The following RYR2 variants were observed in gnomAD, a reference collection of about 807,000 sequenced individuals.
RYR2 encodes ryanodine receptor 2, also known as cardiac muscle ryanodine receptor-calcium release channel.
In RYR2, 227 loss-of-function variants were observed where a neutral mutation model predicts 601.1. The ratio of observed to expected loss-of-function variants is 0.38; its 90% CI spans 0.34 to 0.42. The LOEUF (loss-of-function observed/expected upper bound fraction) is 0.42, where lower values mean the gene tolerates loss of function less well. RYR2 is among the 10% of genes least tolerant of loss of function. RYR2 has a pLI of 1.00. For synonymous variants in RYR2, 2,223 were observed against 2,175.1 expected, an observed-to-expected ratio of 1.02 and a Z score of -0.61; for missense variants, 4,646 against 6,156.5, an observed-to-expected ratio of 0.75 and a Z score of 8.21.
In RYR2 at chr1:237,828,482, T is replaced by C. The variant is rs758257396; in HGVS notation, c.14655+37T>C. 7 of 1,395,776 alleles carry C rather than the reference T, an allele frequency of 5.0e-6. No individual in the cohort carries two copies. In the South Asian group the frequency reaches 9.1e-5, roughly 18 times the overall value. 86.5% of individuals were successfully genotyped at this position (1,395,776 alleles called of 1,614,324 possible). A position where few individuals can be genotyped will look rare whatever the true frequency, so the allele number is the denominator to read the frequency against. ...CATTCATGACTCAGCTTCTTTGTTGTCCTGGGCCCTCGTTTTCCTCACTAC... is the reference window on the plus strand; with the variant it reads ...CATTCATGACTCAGCTTCTTTGTTGCCCTGGGCCCTCGTTTTCCTCACTAC... On this transcript the variant is annotated intron_variant, in intron 102 of 104. Coordinates refer to ENST00000366574, the MANE Select transcript of RYR2 (RefSeq NM_001035.3).
At chr1:237,729,275 G>A (rs1457313364) in intron 76 of RYR2, among the ~76,000 whole-genome samples, 6 of 152,064 alleles carry the variant, frequency 3.9e-5, no homozygotes, top group African/African-American at 1.4e-4. Context: ...AAGTATTCAG[G>A]CCTCAACTTA....
At chr1:237,464,090 G>C (rs1008881672) in intron 16 of RYR2, among the ~76,000 whole-genome samples, 2 of 152,140 alleles carry the variant, frequency 1.3e-5, no homozygotes, top group Non-Finnish European at 2.9e-5. Context: ...ATGCGTGCTT[G>C]CAGAATAACA....
intron 1 of RYR2, among the ~76,000 whole-genome samples, chr1:237,098,542 G>T (rs967861168): frequency 2.0e-4 from 30 of 152,008 alleles, no homozygotes; most frequent in African/African-American, 7.0e-4. Context: ...GCCTAAGGCT[G>T]GATGAATGGA....
At chr1:237,797,638 A>G (rs968253309) in intron 96 of RYR2, among the ~76,000 whole-genome samples, 1 of 152,250 alleles carries the variant, frequency 6.6e-6, no homozygotes, top group Non-Finnish European at 1.5e-5. Flanking sequence ...CAGTTTCTTT[A>G]TCTGCAGAAT....
chr1:237,327,206 G>A (rs1273628187), intron 2 of RYR2, among the ~76,000 whole-genome samples: 1 of 151,890 alleles, frequency 6.6e-6, no homozygotes, highest in Non-Finnish European at 1.5e-5. Context: ...TGTGTAGGGG[G>A]AGCTGGGTAC....
chr1:237,578,620 G>A (rs1483248356), intron 29 of RYR2, among the ~76,000 whole-genome samples: 1 of 151,926 alleles, frequency 6.6e-6, no homozygotes, highest in Middle Eastern at 3.2e-3. Flanking sequence ...CCTTTTGGAG[G>A]TATTATTTTT....
intron 38 of RYR2, among the ~76,000 whole-genome samples, chr1:237,622,281 C>T (rs111296589): frequency 3.5e-4 from 54 of 152,210 alleles, no homozygotes; most frequent in African/African-American, 1.2e-3. Context: ...ATGTTAGCAG[C>T]GCGTAGTTAT....
chr1:237,409,317 A>C (rs1572192972), intron 10 of RYR2, among the ~76,000 whole-genome samples: 1 of 152,112 alleles, frequency 6.6e-6, no homozygotes, highest in Non-Finnish European at 1.5e-5. Context: ...TTCTTTATCA[A>C]CTTGAGGAAG....
chr1:237,591,463 A>C (rs1489537821), intron 31 of RYR2, among the ~76,000 whole-genome samples: 4 of 152,078 alleles, frequency 2.6e-5, no homozygotes, highest in African/African-American at 9.7e-5. Flanking sequence ...CAGTCTCAGC[A>C]CTATTGACAC....
At chr1:237,264,868 G>GTA in intron 1 of RYR2, among the ~76,000 whole-genome samples, 1 of 150,752 alleles carries the variant, frequency 6.6e-6, no homozygotes, top group Non-Finnish European at 1.5e-5. Context: ...GTTAATTTTT[G>GTA]TATTTTTTTT....
chr1:237,365,466 C>A (rs1296830269), intron 5 of RYR2, among the ~76,000 whole-genome samples: 1 of 152,176 alleles, frequency 6.6e-6, no homozygotes, highest in African/African-American at 2.4e-5. Flanking sequence ...ATCTATCAAC[C>A]AGGACGTGGA....
chr1:237,422,408 TA>T (rs1408093580), intron 11 of RYR2, among the ~76,000 whole-genome samples: 1 of 152,212 alleles, frequency 6.6e-6, no homozygotes, highest in Non-Finnish European at 1.5e-5. Flanking sequence ...TTAATGATCA[TA>T]ACTTATCATT....
intron 1 of RYR2, among the ~76,000 whole-genome samples, chr1:237,195,155 A>G (rs902865381): frequency 4.6e-5 from 7 of 152,238 alleles, no homozygotes; most frequent in Admixed American, 3.9e-4. Context: ...TGCTCATTGT[A>G]TACATTTTAT....
intron 14 of RYR2, among the ~76,000 whole-genome samples, chr1:237,447,790 CCTT>C (rs1657558781): frequency 6.6e-6 from 1 of 151,316 alleles, no homozygotes; most frequent in African/African-American, 2.4e-5. Flanking sequence ...TCTCCTCCCT[CCTT>C]TCCTTCCCTC....
At chr1:237,664,330 A>G (rs1482483687) in intron 56 of RYR2, among the ~76,000 whole-genome samples, 1 of 152,188 alleles carries the variant, frequency 6.6e-6, no homozygotes, top group East Asian at 1.9e-4. Context: ...TTTCAAATAG[A>G]TCAGTGATGA....
Position 237,493,037 on chromosome 1 carries a change from A to G in RYR2, c.1911A>G (p.Leu637=), listed in dbSNP as rs776010491. 3 of 1,613,044 alleles carry G rather than the reference A, an allele frequency of 1.9e-6. No homozygotes were observed. In the East Asian group the frequency reaches 6.7e-5, roughly 36 times the overall value. ...SNQHLICDNL[L]PGRDLLLQTR... ...AGCATCTCATCTGTGACAATCTCCT[A>G]CCAGGAAGAGACTTGTTATTGCAGA... The change falls in exon 19 of 105, where the codon CTA becomes CTG. Residue 637 remains leucine, a synonymous_variant. Coordinates refer to ENST00000366574, the MANE Select transcript of RYR2 (RefSeq NM_001035.3).
chr1:237,758,281 T>G (rs1209917391), intron 82 of RYR2, among the ~76,000 whole-genome samples: 1 of 152,194 alleles, frequency 6.6e-6, no homozygotes, highest in East Asian at 1.9e-4. Flanking sequence ...GAGACAGGAG[T>G]GAGAGATCCT....
intron 101 of RYR2, among the ~76,000 whole-genome samples, chr1:237,823,677 A>T (rs1339837052): frequency 6.6e-6 from 1 of 152,216 alleles, no homozygotes; most frequent in Non-Finnish European, 1.5e-5. Flanking sequence ...AATAACTAAG[A>T]TCAGTGCAGA....
At chr1:237,387,166 A>G (rs1702013909) in intron 8 of RYR2, 115 bp from the exon 9 acceptor site, 3 of 868,888 alleles carry the variant, frequency 3.5e-6, no homozygotes, top group Non-Finnish European at 5.9e-6. Flanking sequence ...GTTGAAACAG[A>G]TGTTCTCTAT....
Sources: allele counts gnomAD v4.1 joint callset (sites outside exome capture counted in the v4.1 genomes callset), GRCh38; gene constraint gnomAD v4.1.1; transcripts MANE v1.5; gene names NCBI Gene and HGNC (gene_info 2026-07-23, HGNC 2026-07-21).